Variants in FBXW7 observed in about 807,000 individuals in gnomAD.
The protein encoded by FBXW7 is F-box and WD repeat domain containing 7, also known as F-box/WD repeat-containing protein 7.
In FBXW7, 11 loss-of-function variants were observed where a neutral mutation model predicts 86.3. The observed-to-expected ratio is 0.13, with a 90% CI of 0.08 to 0.21. The LOEUF is 0.21. FBXW7 is among the 10% of genes least tolerant of loss of function. The pLI, the probability that FBXW7 is intolerant of heterozygous loss-of-function variation, is 1.00. For synonymous variants in FBXW7, 313 were observed against 297.9 expected, an observed-to-expected ratio of 1.05 and a Z score of -0.52; for missense variants, 488 against 847.4, an observed-to-expected ratio of 0.58 and a Z score of 5.27.
chr4:152,407,098 T>C (rs1040716166), intron 4 of FBXW7, among the ~76,000 whole-genome samples: 1 of 152,160 alleles, frequency 6.6e-6, no homozygotes, highest in Admixed American at 6.5e-5. Context: ...GATAAAGTAA[T>C]AGGTTCACTG....
intron 4 of FBXW7, among the ~76,000 whole-genome samples, chr4:152,371,671 T>A (rs1320758449): frequency 6.6e-6 from 1 of 152,032 alleles, no homozygotes; most frequent in Non-Finnish European, 1.5e-5. Context: ...CACTGTATGT[T>A]GGCACAAACT....
At chr4:152,403,851 AAC>A (rs1737167754) in intron 4 of FBXW7, among the ~76,000 whole-genome samples, 1 of 152,158 alleles carries the variant, frequency 6.6e-6, no homozygotes, top group African/African-American at 2.4e-5. Context: ...CATTTTCAAA[AAC>A]AGACTCTGAA....
intron 4 of FBXW7, among the ~76,000 whole-genome samples, chr4:152,389,616 G>A (rs896272363): frequency 6.6e-6 from 1 of 152,096 alleles, no homozygotes; most frequent in Admixed American, 6.6e-5. Context: ...AGGGTGACAT[G>A]CAGGGAGGAT....
intron 4 of FBXW7, among the ~76,000 whole-genome samples, chr4:152,368,310 A>T (rs2126725899): frequency 6.6e-6 from 1 of 152,248 alleles, no homozygotes; most frequent in Non-Finnish European, 1.5e-5. Flanking sequence ...CCTTCAATGA[A>T]GCAGTTGTAG....
At chr4:152,414,759 G>A (rs1264420481) in intron 2 of FBXW7, among the ~76,000 whole-genome samples, 1 of 151,804 alleles carries the variant, frequency 6.6e-6, no homozygotes, top group Non-Finnish European at 1.5e-5. Flanking sequence ...AAAGTCCAGA[G>A]AGGTCCTGAC....
At chr4:152,443,531 C>A (rs767962535) in intron 2 of FBXW7, among the ~76,000 whole-genome samples, 1 of 152,258 alleles carries the variant, frequency 6.6e-6, no homozygotes, top group Non-Finnish European at 1.5e-5. Flanking sequence ...TAAAACAGGG[C>A]TTTGTGCTTA....
At chr4:152,529,227 G>A (rs1749796602) in intron 2 of FBXW7, among the ~76,000 whole-genome samples, 3 of 151,960 alleles carry the variant, frequency 2.0e-5, no homozygotes. Flanking sequence ...AAAATTACTT[G>A]AAAAGACAAA....
At chr4:152,448,703 AC>A (rs540981462) in intron 2 of FBXW7, among the ~76,000 whole-genome samples, 7 of 152,236 alleles carry the variant, frequency 4.6e-5, no homozygotes, top group Non-Finnish European at 1.0e-4. Flanking sequence ...GCTGAAAGAA[AC>A]ACTACTAAAA....
At chr4:152,528,669 G>A (rs1561004727) in intron 2 of FBXW7, among the ~76,000 whole-genome samples, 2 of 152,092 alleles carry the variant, frequency 1.3e-5, no homozygotes. Context: ...ATTACTAGAA[G>A]ATATATATCC....
At chr4:152,387,328 A>C (rs1231826326) in intron 4 of FBXW7, among the ~76,000 whole-genome samples, 1 of 152,196 alleles carries the variant, frequency 6.6e-6, no homozygotes, top group Non-Finnish European at 1.5e-5. Flanking sequence ...AATCAGAATC[A>C]AAATCCTTCT....
intron 4 of FBXW7, among the ~76,000 whole-genome samples, chr4:152,394,445 G>A (rs1736245696): frequency 6.6e-6 from 1 of 151,888 alleles, no homozygotes; most frequent in Non-Finnish European, 1.5e-5. Flanking sequence ...AACCAATTAG[G>A]GAAAAAATAT....
At chr4:152,434,713 G>A (rs1740218185) in intron 2 of FBXW7, among the ~76,000 whole-genome samples, 2 of 152,110 alleles carry the variant, frequency 1.3e-5, no homozygotes, top group African/African-American at 2.4e-5. Context: ...GACAAAAATC[G>A]TTAAAGAGAA....
At chr4:152,383,394 A>C (rs1735261069) in intron 4 of FBXW7, among the ~76,000 whole-genome samples, 1 of 152,166 alleles carries the variant, frequency 6.6e-6, no homozygotes, top group Non-Finnish European at 1.5e-5. Context: ...GACTCTCTTC[A>C]AAGTGGCCCC....
intron 2 of FBXW7, among the ~76,000 whole-genome samples, chr4:152,472,520 A>C (rs970242008): frequency 6.6e-6 from 1 of 152,220 alleles, no homozygotes; most frequent in Non-Finnish European, 1.5e-5. Flanking sequence ...GTGGGAAAGA[A>C]GCCAGTTTGA....
intron 10 of FBXW7, 31 bp from the exon 11 acceptor site, chr4:152,328,420 G>A (rs1729252235): frequency 7.4e-7 from 1 of 1,360,150 alleles, no homozygotes; most frequent in Non-Finnish European, 9.6e-7. Context: ...ATTACTTTTG[G>A]GTAGAAAGGA....
intron 4 of FBXW7, among the ~76,000 whole-genome samples, chr4:152,391,717 A>C (rs1736012782): frequency 6.6e-6 from 1 of 152,148 alleles, no homozygotes. Context: ...CTGAGGTATC[A>C]TTATCCTTGT....
chr4:152,370,731 G>T (rs1008426652), intron 4 of FBXW7, among the ~76,000 whole-genome samples: 7 of 151,782 alleles, frequency 4.6e-5, no homozygotes, highest in Non-Finnish European at 1.0e-4. Flanking sequence ...AGAAATGATG[G>T]CTCTCCTAAG....
At chr4:152,414,062 A>G (rs1738221441) in intron 2 of FBXW7, among the ~76,000 whole-genome samples, 1 of 152,140 alleles carries the variant, frequency 6.6e-6, no homozygotes, top group Non-Finnish European at 1.5e-5. Context: ...TGGTCACAAC[A>G]CTGTTGCCAA....
chr4:152,536,038 G>T lies in FBXW7; in HGVS notation c.-1124C>A. On this transcript the variant is annotated 5_prime_UTR_variant, in exon 1 of 14. Transcript: ENST00000281708. ...GGCAGCGGCAGCGGCAGCGCCCGGAGCTCAGCTCGCTGTCTCCCTCGCTCT... is the reference window on the plus strand; with the variant it reads ...GGCAGCGGCAGCGGCAGCGCCCGGATCTCAGCTCGCTGTCTCCCTCGCTCT... 1 of 211,494 alleles carries T rather than the reference G, an allele frequency of 4.7e-6. No homozygotes were observed. Among genetic ancestry groups the T allele is most frequent in the South Asian group, 7.9e-5 (1 of 12,646 alleles). 13.1% of individuals were successfully genotyped at this position (211,494 alleles called of 1,614,324 possible).
Sources: gnomAD v4.1 joint callset for allele counts (sites outside exome capture counted in the v4.1 genomes callset) on GRCh38, gnomAD v4.1.1 for gene constraint, MANE v1.5 for transcripts, NCBI Gene and HGNC (gene_info 2026-07-23, HGNC 2026-07-21) for gene names.